OSBPL8: variants seen among roughly 807,000 people sequenced by gnomAD.
OSBPL8 encodes the protein oxysterol-binding protein-related protein 8.
In OSBPL8, 59 loss-of-function variants were observed where a neutral mutation model predicts 125.5. The observed-to-expected ratio is 0.47, with a 90% CI of 0.38 to 0.58. The LOEUF (loss-of-function observed/expected upper bound fraction) is 0.58, where lower values mean the gene tolerates loss of function less well. Among genes scored for constraint, OSBPL8 ranks in the 20% least tolerant of loss-of-function variants. The probability of loss-of-function intolerance (pLI) is 0.00; values close to 1 mark genes in which losing one functional copy is unlikely to be tolerated. For missense variants in OSBPL8, 758 were observed against 1,047.8 expected (o/e 0.72, Z 3.82); for synonymous variants, 330 against 338.9 (o/e 0.97, Z 0.29).
At chr12:76,535,505 G>A (rs1330035155) in intron 1 of OSBPL8, among the ~76,000 whole-genome samples, 1 of 152,118 alleles carries the variant, frequency 6.6e-6, no homozygotes, top group Admixed American at 6.6e-5. Flanking sequence ...TACATTGCTG[G>A]TGAGATGCAA....
intron 10 of OSBPL8, among the ~76,000 whole-genome samples, chr12:76,392,216 G>A (rs1257269960): frequency 6.6e-6 from 1 of 152,134 alleles, no homozygotes; most frequent in Non-Finnish European, 1.5e-5. Context: ...ATAGTTATAA[G>A]GTTTCACACA....
At chr12:76,527,885 T>C (rs1167449356) in intron 1 of OSBPL8, among the ~76,000 whole-genome samples, 2 of 152,128 alleles carry the variant, frequency 1.3e-5, no homozygotes, top group African/African-American at 4.8e-5. Flanking sequence ...TAGTCTAGAG[T>C]AACAGGCAGT....
chr12:76,417,139 T>C (rs1025502163), intron 4 of OSBPL8, among the ~76,000 whole-genome samples: 10 of 152,224 alleles, frequency 6.6e-5, no homozygotes, highest in Non-Finnish European at 1.5e-5. Flanking sequence ...AGAATCAGTG[T>C]GCATTAAATT....
chr12:76,497,922 A>T lies in OSBPL8; in HGVS notation c.-67-10304T>A, dbSNP rs547297692. The stretch of plus-strand genomic sequence containing the variant: ...CTAAGGAACACATGAATTTATATAG[A>T]TTGTTTTTGTTGAACACTTTCAACA... On this transcript the variant is annotated intron_variant, in intron 1 of 23. Transcript: ENST00000261183. Among the ~76,000 whole-genome samples, 31 of 152,280 alleles carry T rather than the reference A, an allele frequency of 2.0e-4. 1 individual carries two copies. In the South Asian group the frequency reaches 3.1e-3, roughly 15 times the overall value.
intron 1 of OSBPL8, among the ~76,000 whole-genome samples, chr12:76,529,836 C>A (rs1407417266): frequency 6.6e-6 from 1 of 152,168 alleles, no homozygotes; most frequent in Non-Finnish European, 1.5e-5. Flanking sequence ...ACTTTATACT[C>A]GAAGACACAT....
chr12:76,463,937 T>C (rs943392069), intron 2 of OSBPL8, among the ~76,000 whole-genome samples: 1 of 152,210 alleles, frequency 6.6e-6, no homozygotes, highest in Non-Finnish European at 1.5e-5. Flanking sequence ...CAAATTTGTA[T>C]AGTACCATGT....
chr12:76,481,512 C>A (rs979905132), intron 2 of OSBPL8, among the ~76,000 whole-genome samples: 14 of 151,982 alleles, frequency 9.2e-5, no homozygotes, highest in African/African-American at 3.4e-4. Flanking sequence ...GGCCTGTAGT[C>A]CAAGCTACTC....
chr12:76,353,305 T>TC lies in OSBPL8; in HGVS notation c.*2583_*2584insG, dbSNP rs1951884248. 1 of 150,306 alleles carries TC rather than the reference T, an allele frequency of 6.7e-6. No homozygotes were observed. Among genetic ancestry groups the TC allele is most frequent in the Non-Finnish European group, 1.5e-5 (1 of 67,382 alleles). The allele number at this position is 150,306 out of a possible 1,614,324, so 9.3% of individuals were successfully genotyped here. A position where few individuals can be genotyped will look rare whatever the true frequency, so the allele number is the denominator to read the frequency against. ...CATGCCCTATTTATTGTTGTTGTTT[T>TC]TTTTTTTTTTTTACATGTCCTGGGC... is the stretch of plus-strand genomic sequence containing the variant. On this transcript the variant is annotated 3_prime_UTR_variant, in exon 24 of 24. Coordinates refer to ENST00000261183, the MANE Select transcript of OSBPL8 (RefSeq NM_020841.5).
chr12:76,461,716 C>A (rs915766931), intron 2 of OSBPL8, among the ~76,000 whole-genome samples: 2 of 152,112 alleles, frequency 1.3e-5, no homozygotes, highest in African/African-American at 2.4e-5. Context: ...GGATTACAGG[C>A]ATGAGCCACC....
intron 7 of OSBPL8, 76 bp from the exon 8 acceptor site, chr12:76,397,973 G>T: frequency 7.9e-7 from 1 of 1,268,816 alleles, no homozygotes; most frequent in African/African-American, 1.5e-5. Context: ...CAAATAAGAT[G>T]TTTTAATCTA....
At chr12:76,510,000 C>T (rs1565955741) in intron 1 of OSBPL8, among the ~76,000 whole-genome samples, 1 of 152,132 alleles carries the variant, frequency 6.6e-6, no homozygotes, top group African/African-American at 2.4e-5. Flanking sequence ...CAAAAAACTT[C>T]GTAAAAAGCC....
At chr12:76,481,517 C>G (rs1032917514) in intron 2 of OSBPL8, among the ~76,000 whole-genome samples, 1 of 152,006 alleles carries the variant, frequency 6.6e-6, no homozygotes, top group African/African-American at 2.4e-5. Context: ...GTAGTCCAAG[C>G]TACTCTGGAG....
intron 1 of OSBPL8, among the ~76,000 whole-genome samples, chr12:76,538,996 T>C (rs1013822327): frequency 5.6e-5 from 7 of 125,592 alleles, no homozygotes; most frequent in Non-Finnish European, 9.5e-5. Flanking sequence ...AAGTTCAAAA[T>C]TGAAAGGAAT....
intron 1 of OSBPL8, among the ~76,000 whole-genome samples, chr12:76,506,081 A>G (rs1047707300): frequency 6.6e-6 from 1 of 152,264 alleles, no homozygotes; most frequent in Non-Finnish European, 1.5e-5. Context: ...TATACTTTGA[A>G]TATGCAGCCA....
At chr12:76,394,085 CCTATACCAACCTTGT>C (rs1953690343) in intron 9 of OSBPL8, among the ~76,000 whole-genome samples, 3 of 151,914 alleles carry the variant, frequency 2.0e-5, no homozygotes, top group Admixed American at 1.3e-4. Flanking sequence ...TAGAAGATTC[CCTATACCAACCTTGT>C]CTAAACTATG....
At chr12:76,455,092 A>T (rs1344150064) in intron 3 of OSBPL8, among the ~76,000 whole-genome samples, 1 of 151,604 alleles carries the variant, frequency 6.6e-6, no homozygotes, top group Non-Finnish European at 1.5e-5. Context: ...AAAAAAAAAA[A>T]ATTAGCTGGG....
At chr12:76,483,660 C>CTTTTTTTTTTTTTTTTT (rs869202382) in intron 2 of OSBPL8, among the ~76,000 whole-genome samples, 1 of 57,438 alleles carries the variant, frequency 1.7e-5, no homozygotes, top group Non-Finnish European at 3.0e-5. Flanking sequence ...CTGTAATAGT[C>CTTTTTTTTTTTTTTTTT]TTTTTTTTTT....
chr12:76,557,959 C>G (rs1422488903), intron 1 of OSBPL8, among the ~76,000 whole-genome samples: 3 of 152,168 alleles, frequency 2.0e-5, no homozygotes, highest in South Asian at 2.1e-4. Context: ...ACAGGCATTT[C>G]TAAGCACCTG....
At chr12:76,470,175 T>A (rs536121712) in intron 2 of OSBPL8, among the ~76,000 whole-genome samples, 23 of 152,334 alleles carry the variant, frequency 1.5e-4, no homozygotes, top group African/African-American at 3.6e-4. Context: ...AATTAACCAA[T>A]ATGATTTTCA....
Sources: allele counts gnomAD v4.1 joint callset (sites outside exome capture counted in the v4.1 genomes callset), GRCh38; gene constraint gnomAD v4.1.1; transcripts MANE v1.5; gene names NCBI Gene and HGNC (gene_info 2026-07-23, HGNC 2026-07-21).